The following KDM4B variants were observed in gnomAD, a reference collection of about 807,000 sequenced individuals.
KDM4B encodes the protein lysine-specific demethylase 4B.
A neutral mutation model predicts 125.2 loss-of-function variants in KDM4B; 32 were observed. The ratio of observed to expected loss-of-function variants is 0.26; its 90% CI spans 0.19 to 0.34. The LOEUF is 0.34. Ranked by LOEUF, KDM4B falls within the 10% of genes least tolerant of loss-of-function variation. The pLI is 1.00. For missense variants in KDM4B, 1,190 were observed against 1,577.7 expected, an observed-to-expected ratio of 0.75 and a Z score of 4.16; for synonymous variants, 721 against 677.9, an observed-to-expected ratio of 1.06 and a Z score of -0.99.
At chr19:5,029,195 G>A (rs532172125) in intron 2 of KDM4B, among the ~76,000 whole-genome samples, 22 of 152,262 alleles carry the variant, frequency 1.4e-4, no homozygotes, top group Non-Finnish European at 2.6e-4. Flanking sequence ...ACAGGCATGA[G>A]CCACCGCGCC....
At chr19:5,091,841 C>G (rs901950452) in intron 9 of KDM4B, among the ~76,000 whole-genome samples, 1 of 152,206 alleles carries the variant, frequency 6.6e-6, no homozygotes, top group Admixed American at 6.5e-5. Context: ...TGGCCTGTGC[C>G]CTGCCTTTGG....
intron 1 of KDM4B, among the ~76,000 whole-genome samples, chr19:4,975,132 T>C (rs1342197603): frequency 1.3e-5 from 2 of 152,184 alleles, no homozygotes; most frequent in East Asian, 3.9e-4. Context: ...TGTATCTGTT[T>C]GTCTCATCTA....
At chr19:4,982,313 G>T (rs962143130) in intron 1 of KDM4B, among the ~76,000 whole-genome samples, 1 of 150,480 alleles carries the variant, frequency 6.6e-6, no homozygotes, top group Non-Finnish European at 1.5e-5. Context: ...AAAGCCAGAC[G>T]CAGTGGCACA....
intron 2 of KDM4B, among the ~76,000 whole-genome samples, chr19:5,020,059 GTGTTGGTGTGCAGGTGTTGGTGTGGA>G (rs1380546335): frequency 8.6e-5 from 12 of 139,562 alleles, no homozygotes; most frequent in African/African-American, 1.6e-4. Context: ...GTCGGTGTGG[GTGTTGGTGTGCAGGTGTTGGTGTGGA>G]TGTTGGTGTG....
At chr19:5,070,840 T>C (rs2037924863) in intron 6 of KDM4B, 170 bp from the exon 7 acceptor site, 6 of 573,946 alleles carry the variant, frequency 1.0e-5, no homozygotes, top group Non-Finnish European at 1.8e-5. Flanking sequence ...ACGGATTCCG[T>C]CCTGAAAGCC....
intron 1 of KDM4B, among the ~76,000 whole-genome samples, chr19:5,013,675 C>T (rs1311272005): frequency 6.6e-6 from 1 of 152,224 alleles, no homozygotes; most frequent in Non-Finnish European, 1.5e-5. Context: ...CCTCTGGCCT[C>T]CTCCCATGAG....
chr19:5,067,569 A>G (rs1441391217), intron 6 of KDM4B, among the ~76,000 whole-genome samples: 3 of 146,994 alleles, frequency 2.0e-5, no homozygotes, highest in African/African-American at 5.0e-5. Flanking sequence ...GGAGGTTGAC[A>G]GAGTCAGAGG....
intron 6 of KDM4B, among the ~76,000 whole-genome samples, chr19:5,066,027 G>C (rs191631025): frequency 1.3e-5 from 2 of 152,322 alleles, no homozygotes; most frequent in Admixed American, 1.3e-4. Context: ...GTTGGGCCCA[G>C]TCCTTGGCTG....
chr19:5,043,371 T>A (rs1366478099), intron 5 of KDM4B, among the ~76,000 whole-genome samples: 1 of 150,394 alleles, frequency 6.6e-6, no homozygotes, highest in Non-Finnish European at 1.5e-5. Context: ...GTGTCCACCT[T>A]ATCCCGCGTG....
At chr19:5,011,228 G>A (rs976082914) in intron 1 of KDM4B, among the ~76,000 whole-genome samples, 6 of 152,198 alleles carry the variant, frequency 3.9e-5, no homozygotes, top group African/African-American at 9.6e-5. Context: ...TCACAGTGGA[G>A]AATGATGTTT....
At chr19:5,110,897 A>C in intron 10 of KDM4B, 79 bp downstream of exon 10, 1 of 1,181,126 alleles carries the variant, frequency 8.5e-7, no homozygotes, top group Non-Finnish European at 1.2e-6. Flanking sequence ...GCCCCTTCCC[A>C]CTGGCAGGGG....
At chr19:5,080,258 C>T (rs1213987002) in intron 8 of KDM4B, among the ~76,000 whole-genome samples, 1 of 152,254 alleles carries the variant, frequency 6.6e-6, no homozygotes, top group Non-Finnish European at 1.5e-5. Flanking sequence ...CCGTGGCTGG[C>T]TTCTGAAAGC....
intron 2 of KDM4B, among the ~76,000 whole-genome samples, chr19:5,016,588 C>A (rs2035898635): frequency 6.6e-6 from 1 of 152,224 alleles, no homozygotes; most frequent in East Asian, 1.9e-4. Context: ...TCGAACCACC[C>A]GACTCTCACT....
rs748099087 is a variant in KDM4B at position 5,068,342 on chromosome 19, G to A, written c.627-2668G>A. Among the ~76,000 whole-genome samples the A allele has an allele frequency of 6.6e-5, 10 of 152,286 alleles. No homozygotes were observed. The South Asian group carries it at 1.2e-3, about 19-fold the overall frequency. On this transcript the variant is annotated intron_variant, in intron 6 of 22. Coordinates refer to ENST00000159111, the MANE Select transcript of KDM4B (RefSeq NM_015015.3). ...CCATGGCCCGCCCACCAGTGCCGTC[G>A]CAACCCCGTCCTTTGGACTGGGCTT...
intron 9 of KDM4B, among the ~76,000 whole-genome samples, chr19:5,094,148 T>G (rs565026835): frequency 6.6e-6 from 1 of 152,332 alleles, no homozygotes; most frequent in South Asian, 2.1e-4. Context: ...CTCCTCCCTG[T>G]CTTTGTGTCC....
chr19:5,091,166 C>T (rs934654953), intron 9 of KDM4B, among the ~76,000 whole-genome samples: 12 of 152,358 alleles, frequency 7.9e-5, no homozygotes, highest in East Asian at 1.9e-4. Flanking sequence ...GGGCTGGCCC[C>T]GAGGTGGGTG....
chr19:5,147,002 A>ACGG (rs1384287406), intron 21 of KDM4B, among the ~76,000 whole-genome samples: 1 of 150,218 alleles, frequency 6.7e-6, no homozygotes, highest in African/African-American at 2.5e-5. Flanking sequence ...CATCTAGTAC[A>ACGG]CGGCAGGATG....
intron 1 of KDM4B, among the ~76,000 whole-genome samples, chr19:4,983,279 CTGG>C (rs776798851): frequency 6.6e-6 from 1 of 152,118 alleles, no homozygotes; most frequent in African/African-American, 2.4e-5. Context: ...AGATGGGGTC[CTGG>C]TGCTTAGTGG....
intron 9 of KDM4B, among the ~76,000 whole-genome samples, chr19:5,098,448 T>G (rs994579027): frequency 6.6e-6 from 1 of 152,160 alleles, no homozygotes; most frequent in Non-Finnish European, 1.5e-5. Flanking sequence ...TGTAGGTGAC[T>G]GGCAGGTCTT....
Sources: allele counts gnomAD v4.1 joint callset (sites outside exome capture counted in the v4.1 genomes callset), GRCh38; gene constraint gnomAD v4.1.1; transcripts MANE v1.5; gene names NCBI Gene and HGNC (gene_info 2026-07-23, HGNC 2026-07-21).